The following LHFPL3 variants were observed in gnomAD, a reference collection of about 807,000 sequenced individuals.
LHFPL3 encodes the protein LHFPL tetraspan subfamily member 3 protein.
A neutral mutation model predicts 19.3 loss-of-function variants in LHFPL3; 5 were observed. That is an observed-to-expected ratio of 0.26 (90% CI 0.14 to 0.54). The LOEUF (loss-of-function observed/expected upper bound fraction) is 0.54, where lower values mean the gene tolerates loss of function less well. LHFPL3 is among the 20% of genes least tolerant of loss of function. The pLI, the probability that LHFPL3 is intolerant of heterozygous loss-of-function variation, is 0.94. For synonymous variants in LHFPL3, 133 were observed against 126.2 expected (o/e 1.05, Z -0.36); for missense variants, 249 against 307.4 (o/e 0.81, Z 1.42).
At chr7:104,433,950 A>G (rs1380456256) in intron 1 of LHFPL3, among the ~76,000 whole-genome samples, 1 of 152,232 alleles carries the variant, frequency 6.6e-6, no homozygotes, top group Non-Finnish European at 1.5e-5. Flanking sequence ...TGCATATACT[A>G]ATGTAAAGCA....
chr7:104,693,947 A>C (rs1792952958), intron 1 of LHFPL3, among the ~76,000 whole-genome samples: 1 of 152,186 alleles, frequency 6.6e-6, no homozygotes, highest in African/African-American at 2.4e-5. Context: ...TCTTTTGTTT[A>C]TAAGTTACTC....
chr7:104,780,093 C>A (rs1794694835), intron 2 of LHFPL3, among the ~76,000 whole-genome samples: 1 of 152,188 alleles, frequency 6.6e-6, no homozygotes, highest in East Asian at 1.9e-4. Context: ...CCCAGTGGCC[C>A]CTCCTCTTGT....
At chr7:104,405,117 A>G (rs541432036) in intron 1 of LHFPL3, among the ~76,000 whole-genome samples, 5 of 152,268 alleles carry the variant, frequency 3.3e-5, no homozygotes, top group African/African-American at 1.2e-4. Context: ...TCAGATAGGT[A>G]GTTTTTCAAA....
Position 104,580,541 on chromosome 7 carries a change from A to G in LHFPL3, c.446-156134A>G, listed in dbSNP as rs75379189. The stretch of plus-strand genomic sequence containing the variant: ...TTCATGCCTAAGCACTTCAGCATGC[A>G]TATAATTACCTAGAGTTCAATATTT... On this transcript the variant is annotated intron_variant, in intron 1 of 2. Transcript: ENST00000424859. 4.1e-3 allele frequency among the ~76,000 whole-genome samples: 622 copies of G among 152,226 alleles called. 33 individuals are homozygous for G. In the East Asian group the frequency reaches 0.1, roughly 24 times the overall value.
At chr7:104,620,862 G>A (rs1791432012) in intron 1 of LHFPL3, among the ~76,000 whole-genome samples, 1 of 152,240 alleles carries the variant, frequency 6.6e-6, no homozygotes, top group Non-Finnish European at 1.5e-5. Context: ...AGACAAAGGT[G>A]TCATGACTGA....
intron 2 of LHFPL3, among the ~76,000 whole-genome samples, chr7:104,835,694 T>G (rs2116573626): frequency 6.6e-6 from 1 of 152,048 alleles, no homozygotes; most frequent in East Asian, 1.9e-4. Flanking sequence ...TTCTTCATAT[T>G]GAAAATGGCT....
chr7:104,864,574 C>T lies in LHFPL3; in HGVS notation c.683-41613C>T, dbSNP rs144148889. On this transcript the variant is annotated intron_variant, in intron 2 of 2. Coordinates refer to ENST00000424859, the MANE Select transcript of LHFPL3 (RefSeq NM_199000.3). ...GGCAGCAGTGAGGCTGGGGGAGGGG[C>T]GCCCGCCATTGCAGACCAGGAAGCT... Among the ~76,000 whole-genome samples, 206 of 152,172 alleles carry T rather than the reference C, an allele frequency of 1.4e-3. 1 individual carries two copies. The highest frequency in any genetic ancestry group is 4.6e-3 in the African/African-American group (191 of 41,556).
chr7:104,424,746 C>A lies in LHFPL3; in HGVS notation c.445+95522C>A, dbSNP rs147506432. Among the ~76,000 whole-genome samples the A allele has an allele frequency of 5.2e-3, 796 of 152,126 alleles. 7 individuals carry two copies. Among genetic ancestry groups the A allele is most frequent in the African/African-American group, 0.018 (749 of 41,494 alleles). ...GTGGCTCACGCCTGTAATCCCAGCA[C>A]TTTGGGAGGCCAAGGCAGGCAGATC... On this transcript the variant is annotated intron_variant, in intron 1 of 2. Coordinates refer to ENST00000424859, the MANE Select transcript of LHFPL3 (RefSeq NM_199000.3).
At chr7:104,348,912 C>G (rs1441237384) in intron 1 of LHFPL3, among the ~76,000 whole-genome samples, 2 of 152,212 alleles carry the variant, frequency 1.3e-5, no homozygotes, top group African/African-American at 4.8e-5. Flanking sequence ...GAAGGCTGAT[C>G]AGGCAAAGTC....
chr7:104,385,385 C>A (rs922296858), intron 1 of LHFPL3, among the ~76,000 whole-genome samples: 14 of 124,128 alleles, frequency 1.1e-4, no homozygotes, highest in African/African-American at 3.9e-4. Flanking sequence ...TAATATATGG[C>A]ATTCTGATTG....
intron 1 of LHFPL3, among the ~76,000 whole-genome samples, chr7:104,632,685 T>C (rs2115854385): frequency 6.6e-6 from 1 of 152,344 alleles, no homozygotes; most frequent in Admixed American, 6.5e-5. Flanking sequence ...GACAGGTTCT[T>C]GCTCCTGTCA....
chr7:104,460,785 C>T (rs1368698930), intron 1 of LHFPL3, among the ~76,000 whole-genome samples: 1 of 152,058 alleles, frequency 6.6e-6, no homozygotes, highest in East Asian at 1.9e-4. Context: ...TTCTTCCATT[C>T]TTAGGTTGTG....
At chr7:104,623,427 C>G (rs549949416) in intron 1 of LHFPL3, among the ~76,000 whole-genome samples, 177 of 152,242 alleles carry the variant, frequency 1.2e-3, no homozygotes, top group Middle Eastern at 3.4e-3. Flanking sequence ...GTCAGGAGTT[C>G]GAGACCAGCC....
chr7:104,686,551 C>G (rs766825456), intron 1 of LHFPL3, among the ~76,000 whole-genome samples: 30 of 152,152 alleles, frequency 2.0e-4, no homozygotes, highest in Non-Finnish European at 4.1e-4. Context: ...AAGTAATTCT[C>G]TGGTGGACAC....
intron 1 of LHFPL3, among the ~76,000 whole-genome samples, chr7:104,568,408 A>T (rs192302959): frequency 2.6e-5 from 4 of 152,324 alleles, no homozygotes; most frequent in Non-Finnish European, 5.9e-5. Flanking sequence ...TACTTATATT[A>T]TGGTATGTAC....
intron 1 of LHFPL3, among the ~76,000 whole-genome samples, chr7:104,651,402 G>A (rs1222716725): frequency 6.6e-6 from 1 of 152,228 alleles, no homozygotes; most frequent in Non-Finnish European, 1.5e-5. Context: ...AAGGATTAAC[G>A]ATCCCTGAGG....
At chr7:104,536,932 TTCC>T (rs1794399795) in intron 1 of LHFPL3, among the ~76,000 whole-genome samples, 1 of 152,194 alleles carries the variant, frequency 6.6e-6, no homozygotes, top group African/African-American at 2.4e-5. Context: ...CCTATATTCT[TTCC>T]TATAGTCCTT....
At chr7:104,737,165 G>A (rs151152804) in intron 2 of LHFPL3, among the ~76,000 whole-genome samples, 1,704 of 150,886 alleles carry the variant, frequency 0.011, 31 homozygotes, top group African/African-American at 0.039. Context: ...TTTTTTTTCC[G>A]GTTTCTTCTT....
chr7:104,594,871 A>G (rs1790808265), intron 1 of LHFPL3, among the ~76,000 whole-genome samples: 1 of 152,118 alleles, frequency 6.6e-6, no homozygotes, highest in Non-Finnish European at 1.5e-5. Flanking sequence ...TTCTCATGCC[A>G]TGGTTTTCAG....
Sources: gnomAD v4.1 joint callset for allele counts (sites outside exome capture counted in the v4.1 genomes callset) on GRCh38, gnomAD v4.1.1 for gene constraint, MANE v1.5 for transcripts, NCBI Gene and HGNC (gene_info 2026-07-23, HGNC 2026-07-21) for gene names.